GRM7: variants seen among roughly 807,000 people sequenced by gnomAD.
GRM7 encodes the protein glutamate metabotropic receptor 7.
In GRM7, 35 loss-of-function variants were observed where a neutral mutation model predicts 84.5. That is an observed-to-expected ratio of 0.41 (90% CI 0.32 to 0.55). The LOEUF is 0.55. GRM7 is among the 20% of genes least tolerant of loss of function. GRM7 has a pLI of 0.19. For missense variants in GRM7, 1,003 were observed against 1,194.6 expected (o/e 0.84, Z 2.36); for synonymous variants, 487 against 455.1 (o/e 1.07, Z -0.89).
intron 4 of GRM7, among the ~76,000 whole-genome samples, chr3:7,369,487 C>G (rs1311624253): frequency 2.0e-5 from 3 of 151,758 alleles, no homozygotes; most frequent in Non-Finnish European, 4.4e-5. Flanking sequence ...GCCAAATGGA[C>G]ACAATCAGTT....
rs140901133 is a variant in GRM7 at position 7,532,042 on chromosome 3, C to T, written c.1516-46380C>T. Among the ~76,000 whole-genome samples the T allele has an allele frequency of 2.6e-4, 39 of 152,086 alleles. No individual in the cohort carries two copies. The East Asian group carries it at 7.0e-3, about 27-fold the overall frequency. On this transcript the variant is annotated intron_variant, in intron 7 of 9. Transcript: ENST00000357716. ...TTGCTAGTATTTTTTTGAGGATTTT[C>T]GCATAGATGTTCATCAGGGATATTG...
intron 7 of GRM7, among the ~76,000 whole-genome samples, chr3:7,464,261 G>A: frequency 6.6e-6 from 1 of 152,090 alleles, no homozygotes. Context: ...TATGTAACGT[G>A]AGGCACTGTG....
intron 1 of GRM7, among the ~76,000 whole-genome samples, chr3:7,132,637 G>C (rs961226523): frequency 6.6e-6 from 1 of 152,080 alleles, no homozygotes; most frequent in African/African-American, 2.4e-5. Flanking sequence ...AAGAATAAAA[G>C]AACTAAATAA....
At position 7,571,398 on chromosome 3, in the gene GRM7, G is replaced by T. The variant is rs556575474; in HGVS notation, c.1516-7024G>T. 2.9e-3 allele frequency among the ~76,000 whole-genome samples: 441 copies of T among 152,126 alleles called. 3 individuals are homozygous for T. Among genetic ancestry groups the T allele is most frequent in the Middle Eastern group, 0.01 (3 of 294 alleles). On this transcript the variant is annotated intron_variant, in intron 7 of 9. Transcript: ENST00000357716. ...GCTTTGCTGCTTAGAAATTTCTTCTGCCAGATACCCTAAATCATCTCTCTC... is the reference window on the plus strand; with the variant it reads ...GCTTTGCTGCTTAGAAATTTCTTCTTCCAGATACCCTAAATCATCTCTCTC...
At chr3:7,732,915 A>G (rs914201709) in intron 9 of GRM7, among the ~76,000 whole-genome samples, 8 of 152,326 alleles carry the variant, frequency 5.3e-5, no homozygotes, top group African/African-American at 1.7e-4. Context: ...GCCCATTTTT[A>G]TGGTTATTTC....
At chr3:7,414,772 C>T (rs113228695) in intron 4 of GRM7, among the ~76,000 whole-genome samples, 5 of 152,152 alleles carry the variant, frequency 3.3e-5, no homozygotes, top group African/African-American at 4.8e-5. Flanking sequence ...TTTCTTATAA[C>T]TCTGTTTTCT....
At chr3:7,322,672 T>G (rs1700828921) in intron 4 of GRM7, among the ~76,000 whole-genome samples, 3 of 151,782 alleles carry the variant, frequency 2.0e-5, no homozygotes, top group Non-Finnish European at 4.4e-5. Flanking sequence ...TTTCCATTCC[T>G]GAGTTGCTTC....
rs1417047225 is a variant in GRM7 at position 6,875,976 on chromosome 3, G to T, written c.519+14069G>T. 3.6e-4 allele frequency among the ~76,000 whole-genome samples: 55 copies of T among 152,056 alleles called. 1 individual carries two copies. The highest frequency in any genetic ancestry group is 4.6e-4 in the Admixed American group (7 of 15,264). On this transcript the variant is annotated intron_variant, in intron 1 of 9. Transcript: ENST00000357716. ...AAGCTGGTAGGTTGAATGGAAGAAA[G>T]TTATGGCATGGCCGGGCGTAGTGGC...
chr3:7,087,589 C>T (rs1289908290), intron 1 of GRM7, among the ~76,000 whole-genome samples: 1 of 152,038 alleles, frequency 6.6e-6, no homozygotes, highest in Non-Finnish European at 1.5e-5. Flanking sequence ...AATTGTTCCC[C>T]AGAACTAACA....
chr3:6,875,712 C>A (rs555905254), intron 1 of GRM7, among the ~76,000 whole-genome samples: 2 of 152,118 alleles, frequency 1.3e-5, no homozygotes, highest in African/African-American at 4.8e-5. Context: ...ATGTCGTTGA[C>A]TTATCCATTT....
intron 8 of GRM7, among the ~76,000 whole-genome samples, chr3:7,661,386 C>T (rs1240751042): frequency 6.6e-6 from 1 of 152,118 alleles, no homozygotes; most frequent in Admixed American, 6.5e-5. Context: ...AAATTAAAAC[C>T]ACAATTGAAT....
At chr3:7,458,060 G>C (rs1344721713) in intron 6 of GRM7, among the ~76,000 whole-genome samples, 1 of 152,188 alleles carries the variant, frequency 6.6e-6, no homozygotes, top group African/African-American at 2.4e-5. Context: ...GCATGGCGTG[G>C]TAAAATGAGA....
intron 1 of GRM7, among the ~76,000 whole-genome samples, chr3:6,871,636 T>C (rs758894813): frequency 2.0e-5 from 3 of 151,994 alleles, no homozygotes; most frequent in Non-Finnish European, 4.4e-5. Context: ...CCATTTTCAT[T>C]TGGCTACCAG....
At chr3:7,736,242 T>TA (rs1217052468) in intron 9 of GRM7, among the ~76,000 whole-genome samples, 2 of 152,178 alleles carry the variant, frequency 1.3e-5, no homozygotes, top group Admixed American at 6.5e-5. Flanking sequence ...TTGCATAAGT[T>TA]AAAAAAATTT....
intron 1 of GRM7, among the ~76,000 whole-genome samples, chr3:6,970,351 G>C (rs1693700858): frequency 2.0e-5 from 3 of 152,206 alleles, no homozygotes; most frequent in African/African-American, 7.2e-5. Context: ...TGTGTCTTCA[G>C]AGCTAATTGA....
intron 1 of GRM7, among the ~76,000 whole-genome samples, chr3:7,111,478 T>C (rs1692848469): frequency 6.6e-6 from 1 of 152,076 alleles, no homozygotes; most frequent in South Asian, 2.1e-4. Flanking sequence ...ATTCAAATTA[T>C]AAAGAGGCAG....
At chr3:7,077,336 A>G (rs928534770) in intron 1 of GRM7, among the ~76,000 whole-genome samples, 2 of 152,210 alleles carry the variant, frequency 1.3e-5, no homozygotes, top group Non-Finnish European at 2.9e-5. Context: ...ATGCTCATCA[A>G]TGATAGACTG....
At chr3:7,320,859 T>C (rs1330602708) in intron 4 of GRM7, among the ~76,000 whole-genome samples, 1 of 152,040 alleles carries the variant, frequency 6.6e-6, no homozygotes, top group Non-Finnish European at 1.5e-5. Flanking sequence ...TCATAAACAT[T>C]TGTTTTATGA....
chr3:7,619,491 G>A (rs373336290), intron 8 of GRM7, among the ~76,000 whole-genome samples: 1 of 151,862 alleles, frequency 6.6e-6, no homozygotes, highest in Non-Finnish European at 1.5e-5. Flanking sequence ...GACATTCCGG[G>A]CCTATATACT....
Sources: gnomAD v4.1 joint callset for allele counts (sites outside exome capture counted in the v4.1 genomes callset) on GRCh38, gnomAD v4.1.1 for gene constraint, MANE v1.5 for transcripts, NCBI Gene and HGNC (gene_info 2026-07-23, HGNC 2026-07-21) for gene names.